IL7R: variants seen among roughly 807,000 people sequenced by gnomAD.
The protein encoded by IL7R is interleukin-7 receptor subunit alpha.
IL7R carries 38 observed loss-of-function variants against 47.0 expected under a neutral mutation model. The observed-to-expected ratio is 0.81, with a 90% CI of 0.62 to 1.06. The LOEUF is 1.06. Among genes scored for constraint, IL7R ranks in the 50% least tolerant of loss-of-function variants. IL7R has a pLI of 0.00. For missense variants in IL7R, 633 were observed against 534.8 expected, an observed-to-expected ratio of 1.18 and a Z score of -1.81; for synonymous variants, 221 against 199.8, an observed-to-expected ratio of 1.11 and a Z score of -0.89.
At chr5:35,872,517 A>AC (rs1451446542) in intron 4 of IL7R, among the ~76,000 whole-genome samples, 5 of 152,182 alleles carry the variant, frequency 3.3e-5, no homozygotes, top group Admixed American at 3.3e-4. Flanking sequence ...TTAATTAAAA[A>AC]AAATTAAACT....
intron 7 of IL7R, 188 bp downstream of exon 7, chr5:35,875,775 C>A: frequency 1.3e-6 from 1 of 756,822 alleles, no homozygotes; most frequent in Non-Finnish European, 2.3e-6. Context: ...AACTTCTGGG[C>A]TCCCTGGGGC....
At chr5:35,865,151 TTCC>T (rs1381953818) in intron 2 of IL7R, among the ~76,000 whole-genome samples, 2 of 152,140 alleles carry the variant, frequency 1.3e-5, no homozygotes, top group East Asian at 3.9e-4. Flanking sequence ...GATGTTCCCC[TTCC>T]TGTGTCCAAG....
chr5:35,870,475 A>T (rs1183773493), intron 3 of IL7R, among the ~76,000 whole-genome samples: 2 of 152,186 alleles, frequency 1.3e-5, no homozygotes, highest in Non-Finnish European at 2.9e-5. Flanking sequence ...ACCTAATTTT[A>T]TTACAAGAAT....
In IL7R at chr5:35,866,855, AT is replaced by A. The variant is rs1759952168; in HGVS notation, c.222-450del. 3.3e-5 allele frequency among the ~76,000 whole-genome samples: 5 copies of A among 152,242 alleles called. No homozygotes were observed. The South Asian group carries it at 1.0e-3, about 32-fold the overall frequency. On this transcript the variant is annotated intron_variant, in intron 2 of 7. Transcript: ENST00000303115. ...AAATCCATTACGTTACCCATCAAGT[AT>A]ATGTGATATTATGTATATAACCCTT... is the stretch of plus-strand genomic sequence containing the variant.
At position 35,877,122 on chromosome 5, in the gene IL7R, G is replaced by A. The variant is rs891965451; in HGVS notation, c.*636G>A. ...CTTCACTGAGGACTGCCCCATTCTT[G>A]AGTGCCAAACGTCACTAGTAACAGG... On this transcript the variant is annotated 3_prime_UTR_variant, in exon 8 of 8. Transcript: ENST00000303115. 1 of 233,702 alleles carries A rather than the reference G, an allele frequency of 4.3e-6. No individual in the cohort carries two copies. Among genetic ancestry groups the A allele is most frequent in the Non-Finnish European group, 8.4e-6 (1 of 118,520 alleles). The allele number at this position is 233,702 out of a possible 1,614,324, so 14.5% of individuals were successfully genotyped here. A position where few individuals can be genotyped will look rare whatever the true frequency, so the allele number is the denominator to read the frequency against.
chr5:35,876,887 G>A lies in IL7R; in HGVS notation c.*401G>A, dbSNP rs1421340425. 3.3e-6 allele frequency: 1 copy of A among 303,282 alleles called. No individual in the cohort carries two copies. The highest frequency in any genetic ancestry group is 6.2e-6 in the Non-Finnish European group (1 of 160,810). The allele number at this position is 303,282 out of a possible 1,614,324, so 18.8% of individuals were successfully genotyped here. On this transcript the variant is annotated 3_prime_UTR_variant, in exon 8 of 8. Transcript: ENST00000303115. ...GGATTTAATATATATCCAGTGCTTTGCAAGTGCTCTGCGCACCTTGTCTCA... is the reference window on the plus strand; with the variant it reads ...GGATTTAATATATATCCAGTGCTTTACAAGTGCTCTGCGCACCTTGTCTCA...
chr5:35,876,206 T>A lies in IL7R; in HGVS notation c.1100T>A (p.Leu367His), dbSNP rs765146917. 1 of 1,614,034 alleles carries A rather than the reference T, an allele frequency of 6.2e-7. No individual in the cohort carries two copies. Among genetic ancestry groups the A allele is most frequent in the South Asian group, 1.1e-5 (1 of 91,082 alleles). Residue 367 changes from leucine (L) to histidine (H), a missense_variant, in exon 8 of 8, where the codon CTC becomes CAC. Transcript: ENST00000303115. ...TPESFGRDSSLTCLAGNVSAC... is the reference protein window; with the variant it reads ...TPESFGRDSSHTCLAGNVSAC... ...GAAAGCTTTGGAAGAGATTCATCCC[T>A]CACATGCCTGGCTGGGAATGTCAGT...
chr5:35,863,930 G>A (rs1450521968), intron 2 of IL7R, among the ~76,000 whole-genome samples: 5 of 152,066 alleles, frequency 3.3e-5, no homozygotes, highest in Non-Finnish European at 7.4e-5. Context: ...GTGGTAAAAT[G>A]CACAAAAATT....
At position 35,876,574 on chromosome 5, in the gene IL7R, A is replaced by G. The variant is rs1023131911; in HGVS notation, c.*88A>G. On this transcript the variant is annotated 3_prime_UTR_variant, in exon 8 of 8. Transcript: ENST00000303115. ...GAGTTCCTAGTCTCCCTCACAGCAC[A>G]GAGAAGACAAAATTAGCAAAACCCC... The G allele has an allele frequency of 1.4e-6, 2 of 1,446,070 alleles. No individual in the cohort carries two copies. The highest frequency in any genetic ancestry group is 1.9e-6 in the Non-Finnish European group (2 of 1,048,032). 89.6% of individuals were successfully genotyped at this position (1,446,070 alleles called of 1,614,324 possible). A position where few individuals can be genotyped will look rare whatever the true frequency, so the allele number is the denominator to read the frequency against.
intron 1 of IL7R, among the ~76,000 whole-genome samples, chr5:35,859,984 T>C (rs1759758210): frequency 1.3e-5 from 2 of 151,866 alleles, no homozygotes; most frequent in Admixed American, 1.3e-4. Context: ...ACATACAAAA[T>C]GTAGATTTCA....
chr5:35,878,901 G>A lies in IL7R; in HGVS notation c.*2415G>A, dbSNP rs1157448063. ...AAAATCCTTTGTTTCAATGTTGTTT[G>A]GCATATGTTATCTTTGGAATTTAGT... On this transcript the variant is annotated 3_prime_UTR_variant, in exon 8 of 8. Coordinates refer to ENST00000303115, the MANE Select transcript of IL7R (RefSeq NM_002185.5). 8.6e-6 allele frequency: 2 copies of A among 232,764 alleles called. No homozygotes were observed. Among genetic ancestry groups the A allele is most frequent in the Non-Finnish European group, 1.7e-5 (2 of 117,876 alleles). The allele number at this position is 232,764 out of a possible 1,614,324, so 14.4% of individuals were successfully genotyped here.
At chr5:35,868,550 T>C (rs2149899915) in intron 3 of IL7R, among the ~76,000 whole-genome samples, 1 of 152,258 alleles carries the variant, frequency 6.6e-6, no homozygotes, top group Admixed American at 6.5e-5. Context: ...GGGTCCTGGT[T>C]AGGGGAAGAG....
intron 3 of IL7R, among the ~76,000 whole-genome samples, chr5:35,869,590 C>A (rs1760020233): frequency 6.6e-6 from 1 of 152,158 alleles, no homozygotes; most frequent in African/African-American, 2.4e-5. Flanking sequence ...TGATAAGTGA[C>A]TATTGTTTGA....
chr5:35,866,218 TATTG>T, intron 2 of IL7R, among the ~76,000 whole-genome samples: 1 of 152,308 alleles, frequency 6.6e-6, no homozygotes, highest in South Asian at 2.1e-4. Flanking sequence ...TGGCAAATTA[TATTG>T]ATTAATTTTT....
chr5:35,871,856 C>T (rs954447687), intron 4 of IL7R, among the ~76,000 whole-genome samples: 5 of 152,076 alleles, frequency 3.3e-5, no homozygotes, highest in African/African-American at 1.2e-4. Context: ...TCTCTTAACC[C>T]ACCAACCTAA....
At position 35,877,150 on chromosome 5, in the gene IL7R, G is replaced by A. The variant is rs1168341707; in HGVS notation, c.*664G>A. 4.3e-6 allele frequency: 1 copy of A among 233,444 alleles called. No homozygotes were observed. The highest frequency in any genetic ancestry group is 8.5e-6 in the Non-Finnish European group (1 of 118,328). 14.5% of individuals were successfully genotyped at this position (233,444 alleles called of 1,614,324 possible). On this transcript the variant is annotated 3_prime_UTR_variant, in exon 8 of 8. Coordinates refer to ENST00000303115, the MANE Select transcript of IL7R (RefSeq NM_002185.5). ...TGCCAAACGTCACTAGTAACAGGGT[G>A]TGCCTAGATAATTTATGATCCAAAC... is the stretch of plus-strand genomic sequence containing the variant.
intron 2 of IL7R, among the ~76,000 whole-genome samples, chr5:35,865,950 T>A (rs1035740014): frequency 3.9e-5 from 6 of 152,186 alleles, no homozygotes; most frequent in African/African-American, 1.4e-4. Flanking sequence ...TGTACACCAC[T>A]GAATAGAAAT....
intron 7 of IL7R, 130 bp downstream of exon 7, chr5:35,875,717 C>A: frequency 1.2e-6 from 1 of 822,716 alleles, no homozygotes; most frequent in Non-Finnish European, 2.1e-6. Context: ...AGGGTCCCTC[C>A]TAAGACCCTA....
rs113174267 is a variant in IL7R, at chr5:35,878,105, G to T, written c.*1619G>T. 9.4e-3 allele frequency: 2,192 copies of T among 233,278 alleles called. 66 individuals carry two copies. The highest frequency in any genetic ancestry group is 0.045 in the African/African-American group (2,023 of 45,452). 14.5% of individuals were successfully genotyped at this position (233,278 alleles called of 1,614,324 possible). A position where few individuals can be genotyped will look rare whatever the true frequency, so the allele number is the denominator to read the frequency against. On this transcript the variant is annotated 3_prime_UTR_variant, in exon 8 of 8. Transcript: ENST00000303115. ...GTTGTCTGTGAATGGGGTTTTAACT[G>T]TGGATGAATGGACCTTATCTGTTGG...
Sources: allele counts gnomAD v4.1 joint callset (sites outside exome capture counted in the v4.1 genomes callset), GRCh38; gene constraint gnomAD v4.1.1; transcripts MANE v1.5; gene names NCBI Gene and HGNC (gene_info 2026-07-23, HGNC 2026-07-21).